Variants in AKAP7 observed in about 807,000 individuals in gnomAD.
AKAP7 encodes the protein A-kinase anchoring protein 7.
AKAP7 carries 39 observed loss-of-function variants against 39.5 expected under a neutral mutation model. The ratio of observed to expected loss-of-function variants is 0.99; its 90% CI spans 0.76 to 1.29. The LOEUF (loss-of-function observed/expected upper bound fraction) is 1.29. Ranked by LOEUF, AKAP7 falls within the 50% of genes most tolerant of loss-of-function variation. The pLI is 0.00. For missense variants in AKAP7, 414 were observed against 407.7 expected, an observed-to-expected ratio of 1.02 and a Z score of -0.13; for synonymous variants, 140 against 139.1, an observed-to-expected ratio of 1.01 and a Z score of -0.05.
chr6:131,217,241 TTC>T (rs1809271926), intron 6 of AKAP7, among the ~76,000 whole-genome samples: 1 of 152,168 alleles, frequency 6.6e-6, no homozygotes, highest in African/African-American at 2.4e-5. Flanking sequence ...AATAGGTCCC[TTC>T]TTAGGCTTAC....
At chr6:131,255,055 T>C (rs774826280) in intron 7 of AKAP7, among the ~76,000 whole-genome samples, 13 of 152,174 alleles carry the variant, frequency 8.5e-5, no homozygotes, top group Non-Finnish European at 1.6e-4. Flanking sequence ...TATTTAGATT[T>C]TCCAATTACC....
At chr6:131,257,493 A>T (rs1391360374) in intron 7 of AKAP7, among the ~76,000 whole-genome samples, 1 of 151,910 alleles carries the variant, frequency 6.6e-6, no homozygotes, top group African/African-American at 2.4e-5. Context: ...TGCAGCATTG[A>T]TCTGCACAGC....
chr6:131,239,721 C>T (rs1006776699), intron 7 of AKAP7, among the ~76,000 whole-genome samples: 4 of 152,182 alleles, frequency 2.6e-5, no homozygotes, highest in Non-Finnish European at 4.4e-5. Context: ...CTTGTGCATT[C>T]GTCACATAGT....
At chr6:131,254,864 G>A (rs1225306630) in intron 7 of AKAP7, among the ~76,000 whole-genome samples, 1 of 152,126 alleles carries the variant, frequency 6.6e-6, no homozygotes, top group African/African-American at 2.4e-5. Context: ...TTTTGTGTGG[G>A]ATGAATTACT....
chr6:131,277,209 GC>G (rs1302082048), intron 7 of AKAP7, among the ~76,000 whole-genome samples: 1 of 152,160 alleles, frequency 6.6e-6, no homozygotes, highest in Non-Finnish European at 1.5e-5. Flanking sequence ...TAGGGCCAGT[GC>G]TGTGTTTGAT....
intron 2 of AKAP7, among the ~76,000 whole-genome samples, chr6:131,148,560 A>T (rs1044952474): frequency 6.6e-6 from 1 of 152,234 alleles, no homozygotes; most frequent in African/African-American, 2.4e-5. Context: ...AATAACGAAT[A>T]AATGTTATTT....
At chr6:131,130,873 T>C (rs1281127285), upstream of AKAP7, among the ~76,000 whole-genome samples, 2 of 152,214 alleles carry the variant, frequency 1.3e-5, no homozygotes, top group Non-Finnish European at 2.9e-5. Context: ...TAGGTTCATT[T>C]AGCTATTAAG....
chr6:131,140,334 T>C (rs1800925440), intron 1 of AKAP7, among the ~76,000 whole-genome samples: 2 of 152,330 alleles, frequency 1.3e-5, no homozygotes, highest in South Asian at 4.1e-4. Context: ...TGTTACCGTG[T>C]GATTCTCTCT....
At chr6:131,253,839 A>AGT (rs1458464789) in intron 7 of AKAP7, among the ~76,000 whole-genome samples, 1 of 152,148 alleles carries the variant, frequency 6.6e-6, no homozygotes, top group Non-Finnish European at 1.5e-5. Context: ...CGTATTCCAT[A>AGT]GTATATATAT....
At chr6:131,145,252 A>G in intron 1 of AKAP7, 33 bp from the exon 2 acceptor site, 1 of 1,334,530 alleles carries the variant, frequency 7.5e-7, no homozygotes, top group Non-Finnish European at 9.9e-7. Flanking sequence ...CAAGTTAAAT[A>G]ATCCTTTTTT....
At chr6:131,204,729 A>G (rs944167670) in intron 6 of AKAP7, among the ~76,000 whole-genome samples, 62 of 152,188 alleles carry the variant, frequency 4.1e-4, no homozygotes, top group African/African-American at 1.5e-3. Flanking sequence ...ATGACAATGC[A>G]GGAGTGAGGG....
Position 131,169,098 on chromosome 6 carries a change from A to G in AKAP7, c.429-15A>G, listed in dbSNP as rs1365840060. 3 of 1,586,378 alleles carry G rather than the reference A, an allele frequency of 1.9e-6. No individual in the cohort carries two copies. The highest frequency in any genetic ancestry group is 1.7e-6 in the Non-Finnish European group (2 of 1,157,544). ...TACTTAATGTGTTACTGAAAAATGT[A>G]TTATTTCTTACTAGTGGTATTGATG... On this transcript the variant is annotated splice_polypyrimidine_tract_variant and intron_variant, in intron 4 of 7. Coordinates refer to ENST00000431975, the MANE Select transcript of AKAP7 (RefSeq NM_016377.4).
intron 2 of AKAP7, among the ~76,000 whole-genome samples, chr6:131,157,998 A>G (rs1056399564): frequency 7.2e-5 from 11 of 152,182 alleles, no homozygotes; most frequent in Non-Finnish European, 1.0e-4. Flanking sequence ...AAACATATCT[A>G]TTTCTACACA....
intron 7 of AKAP7, among the ~76,000 whole-genome samples, chr6:131,252,293 A>G (rs3777483): frequency 0.55 from 84,344 of 151,980 alleles, 24,507 homozygotes; most frequent in African/African-American, 0.73. Context: ...TATATCTGAA[A>G]TGAAGCCCGA....
chr6:131,129,431 T>C, the AKAP7 span, among the ~76,000 whole-genome samples: 1 of 152,170 alleles, frequency 6.6e-6, no homozygotes, highest in Non-Finnish European at 1.5e-5. Context: ...TTATAAAATA[T>C]ATGCTGCAGG....
chr6:131,169,398 G>A, intron 5 of AKAP7, 125 bp downstream of exon 5: 1 of 1,055,796 alleles, frequency 9.5e-7, no homozygotes, highest in Non-Finnish European at 1.4e-6. Context: ...GTATTTTTTA[G>A]GACTGTCCCA....
chr6:131,226,383 T>C (rs1810169151), intron 7 of AKAP7, among the ~76,000 whole-genome samples: 1 of 152,256 alleles, frequency 6.6e-6, no homozygotes, highest in South Asian at 2.1e-4. Flanking sequence ...TGTTTCATGC[T>C]CAAAGCTTTG....
rs530631614 is a variant in AKAP7 at position 131,241,764 on chromosome 6, T to C, written c.850+21956T>C. On this transcript the variant is annotated intron_variant, in intron 7 of 7. Transcript: ENST00000431975. ...TTTGCAGCTAGTTACCTGAGATATGTATTGTACAGAAAGGATGGAGACCTT... is the reference window on the plus strand; with the variant it reads ...TTTGCAGCTAGTTACCTGAGATATGCATTGTACAGAAAGGATGGAGACCTT... Among the ~76,000 whole-genome samples the C allele has an allele frequency of 1.7e-4, 26 of 152,084 alleles. 1 individual carries two copies. The East Asian group carries it at 5.0e-3, about 29-fold the overall frequency.
intron 7 of AKAP7, among the ~76,000 whole-genome samples, chr6:131,234,892 A>T (rs1233510791): frequency 6.7e-6 from 1 of 150,304 alleles, no homozygotes; most frequent in Non-Finnish European, 1.5e-5. Flanking sequence ...TTTTTATTTT[A>T]TTTTTTTATT....
Sources: allele counts gnomAD v4.1 joint callset (sites outside exome capture counted in the v4.1 genomes callset), GRCh38; gene constraint gnomAD v4.1.1; transcripts MANE v1.5; gene names NCBI Gene and HGNC (gene_info 2026-07-23, HGNC 2026-07-21).